Variants in FOXN3 observed in about 807,000 individuals in gnomAD.
FOXN3 encodes the protein forkhead box N3, also known as forkhead box protein N3.
In FOXN3, 7 loss-of-function variants were observed where a neutral mutation model predicts 38.4. The ratio of observed to expected loss-of-function variants is 0.18; its 90% confidence interval spans 0.10 to 0.34. The LOEUF is 0.34. Among genes scored for constraint, FOXN3 ranks in the 10% least tolerant of loss-of-function variants. The pLI is 1.00. For synonymous variants in FOXN3, 230 were observed against 242.2 expected (o/e 0.95, Z 0.47); for missense variants, 456 against 613.4 (o/e 0.74, Z 2.71).
At chr14:89,374,147 C>G (rs1250343929) in intron 2 of FOXN3, among the ~76,000 whole-genome samples, 1 of 150,694 alleles carries the variant, frequency 6.6e-6, no homozygotes, top group African/African-American at 2.4e-5. Context: ...GCCTGTGGTC[C>G]CAGCTATTTA....
intron 1 of FOXN3, among the ~76,000 whole-genome samples, chr14:89,590,754 T>C (rs1352170849): frequency 6.6e-6 from 1 of 152,082 alleles, no homozygotes; most frequent in Non-Finnish European, 1.5e-5. Flanking sequence ...GAGTCAGCCG[T>C]AAAACCTAGA....
intron 4 of FOXN3, among the ~76,000 whole-genome samples, chr14:89,192,017 AATC>A (rs1308420285): frequency 0.039 from 5,428 of 140,948 alleles, 433 homozygotes; most frequent in African/African-American, 0.14. Flanking sequence ...ATTAATCATT[AATC>A]ATCAACTAAC....
intron 1 of FOXN3, among the ~76,000 whole-genome samples, chr14:89,549,407 G>A (rs1332455001): frequency 6.6e-5 from 10 of 152,078 alleles, no homozygotes; most frequent in Non-Finnish European, 1.5e-4. Context: ...AAGAAAGCAA[G>A]GCTCCTCTTA....
intron 3 of FOXN3, among the ~76,000 whole-genome samples, chr14:89,308,428 T>C (rs993624009): frequency 3.3e-5 from 5 of 152,282 alleles, no homozygotes; most frequent in African/African-American, 1.2e-4. Context: ...ACGCACTTGC[T>C]GTGGCCACTA....
chr14:89,297,545 G>A (rs1269459123), intron 3 of FOXN3, among the ~76,000 whole-genome samples: 2 of 140,930 alleles, frequency 1.4e-5, no homozygotes, highest in Non-Finnish European at 3.1e-5. Context: ...GGGCAACAGA[G>A]CAAGACTCCC....
chr14:89,327,872 C>A (rs1024361370), intron 3 of FOXN3, among the ~76,000 whole-genome samples: 3 of 152,186 alleles, frequency 2.0e-5, no homozygotes, highest in Admixed American at 2.0e-4. Flanking sequence ...AGCCCAACCA[C>A]CTCATTTTAT....
intron 1 of FOXN3, among the ~76,000 whole-genome samples, chr14:89,571,510 CAAAA>C (rs771337347): frequency 1.4e-5 from 1 of 71,512 alleles, no homozygotes. Context: ...CTCTGTCTCA[CAAAA>C]AAAAAAAAAG....
chr14:89,166,271 C>T (rs1360910708), intron 5 of FOXN3, among the ~76,000 whole-genome samples: 3 of 152,086 alleles, frequency 2.0e-5, no homozygotes, highest in Admixed American at 6.5e-5. Flanking sequence ...AGATTAGCAG[C>T]ATTAAAGAGG....
chr14:89,363,988 A>ATATATAT (rs1420813459), intron 2 of FOXN3, among the ~76,000 whole-genome samples: 13 of 52,024 alleles, frequency 2.5e-4, no homozygotes, highest in African/African-American at 3.5e-4. Context: ...ATATATATAT[A>ATATATAT]ATATATATAT....
intron 4 of FOXN3, among the ~76,000 whole-genome samples, chr14:89,220,525 C>CAAAT (rs951092158): frequency 1.3e-5 from 2 of 152,158 alleles, no homozygotes; most frequent in African/African-American, 2.4e-5. Context: ...TTCCTGGCTG[C>CAAAT]AAATACACAC....
intron 3 of FOXN3, among the ~76,000 whole-genome samples, chr14:89,292,498 T>C (rs986549844): frequency 1.5e-4 from 23 of 152,150 alleles, no homozygotes; most frequent in African/African-American, 4.8e-4. Context: ...TGTTAAGAGG[T>C]AGGGCCTTTA....
intron 1 of FOXN3, among the ~76,000 whole-genome samples, chr14:89,574,669 C>T (rs1895564260): frequency 1.3e-5 from 2 of 152,184 alleles, no homozygotes; most frequent in African/African-American, 2.4e-5. Flanking sequence ...GGATTTCCTA[C>T]CACTTTACAT....
intron 1 of FOXN3, among the ~76,000 whole-genome samples, chr14:89,585,195 T>A (rs960842562): frequency 6.6e-6 from 1 of 152,178 alleles, no homozygotes; most frequent in African/African-American, 2.4e-5. Flanking sequence ...TCGCTTTAAA[T>A]AACTTAATGC....
At chr14:89,369,544 TA>T (rs1398299084) in intron 2 of FOXN3, among the ~76,000 whole-genome samples, 1 of 95,718 alleles carries the variant, frequency 1.0e-5, no homozygotes, top group Non-Finnish European at 2.2e-5. Context: ...CAAGACTGGG[TA>T]ATTTTTTTTT....
intron 3 of FOXN3, among the ~76,000 whole-genome samples, chr14:89,285,378 G>A (rs1744664759): frequency 6.6e-6 from 1 of 152,102 alleles, no homozygotes; most frequent in South Asian, 2.1e-4. Context: ...AATTAGCCAG[G>A]CATGGTGGCG....
At chr14:89,452,886 A>G (rs1010353177) in intron 1 of FOXN3, among the ~76,000 whole-genome samples, 1 of 152,214 alleles carries the variant, frequency 6.6e-6, no homozygotes, top group Non-Finnish European at 1.5e-5. Context: ...TTGGTGTAAG[A>G]GATAACAAAC....
intron 1 of FOXN3, among the ~76,000 whole-genome samples, chr14:89,518,672 T>TGATC (rs1894256856): frequency 6.6e-6 from 1 of 152,206 alleles, no homozygotes; most frequent in Non-Finnish European, 1.5e-5. Context: ...CAACCACTGG[T>TGATC]GATCAGAAGA....
At chr14:89,351,040 C>T (rs1032641376) in intron 2 of FOXN3, 1 of 323,278 alleles carries the variant, frequency 3.1e-6, no homozygotes, top group African/African-American at 2.1e-5. Context: ...TATGGTGATA[C>T]AACAATATTA....
At chr14:89,349,404 C>G (rs1029331565) in intron 3 of FOXN3, 1 of 152,274 alleles carries the variant, frequency 6.6e-6, no homozygotes, top group African/African-American at 2.4e-5. Context: ...CCTTCCCCCC[C>G]ACACACCAAA....
Sources: allele counts gnomAD v4.1 joint callset (sites outside exome capture counted in the v4.1 genomes callset), GRCh38; gene constraint gnomAD v4.1.1; transcripts MANE v1.5; gene names NCBI Gene and HGNC (gene_info 2026-07-23, HGNC 2026-07-21).